Variants in SRPK1 observed in about 807,000 individuals in gnomAD.
The protein encoded by SRPK1 is SFRS protein kinase 1.
Under a neutral mutation model 89.5 loss-of-function variants are expected in SRPK1, and 52 were observed. The observed-to-expected ratio is 0.58, with a 90% CI of 0.46 to 0.73. The LOEUF is 0.73. Ranked by LOEUF, SRPK1 falls within the 30% of genes least tolerant of loss-of-function variation. The pLI is 0.00. For synonymous variants in SRPK1, 255 were observed against 270.2 expected (o/e 0.94, Z 0.55); for missense variants, 603 against 780.6 (o/e 0.77, Z 2.71).
intron 12 of SRPK1, among the ~76,000 whole-genome samples, chr6:35,858,015 A>G (rs1207248485): frequency 1.3e-5 from 2 of 152,142 alleles, no homozygotes; most frequent in Non-Finnish European, 2.9e-5. Flanking sequence ...TGTCTTCCAC[A>G]CTTTCCTATC....
intron 2 of SRPK1, among the ~76,000 whole-genome samples, chr6:35,917,728 G>A (rs772827498): frequency 6.6e-6 from 1 of 152,112 alleles, no homozygotes; most frequent in Non-Finnish European, 1.5e-5. Flanking sequence ...GACACAACAC[G>A]ACTAAATTAC....
At chr6:35,890,064 C>T (rs571101238) in intron 3 of SRPK1, among the ~76,000 whole-genome samples, 2 of 151,846 alleles carry the variant, frequency 1.3e-5, no homozygotes, top group South Asian at 2.1e-4. Context: ...GCCGAGATCG[C>T]GCCAACTGCA....
At chr6:35,841,056 A>G (rs1200714067) in intron 14 of SRPK1, among the ~76,000 whole-genome samples, 1 of 152,044 alleles carries the variant, frequency 6.6e-6, no homozygotes, top group African/African-American at 2.4e-5. Flanking sequence ...AGTAAAGGGG[A>G]AAAAAATTAA....
intron 6 of SRPK1, among the ~76,000 whole-genome samples, chr6:35,877,184 T>C (rs370213225): frequency 6.6e-6 from 1 of 152,148 alleles, no homozygotes; most frequent in East Asian, 1.9e-4. Flanking sequence ...TAGGATATAT[T>C]TGGGAAGGTC....
intron 2 of SRPK1, among the ~76,000 whole-genome samples, chr6:35,901,443 C>A (rs997280601): frequency 6.6e-6 from 1 of 152,220 alleles, no homozygotes; most frequent in African/African-American, 2.4e-5. Context: ...GAAACAGATT[C>A]TCCCTCACAG....
intron 2 of SRPK1, among the ~76,000 whole-genome samples, chr6:35,913,964 T>G (rs1435155183): frequency 1.5e-5 from 2 of 137,560 alleles, no homozygotes; most frequent in Non-Finnish European, 3.1e-5. Context: ...CAAAGGATAC[T>G]TTCTCTTTTT....
At chr6:35,902,895 G>A (rs1561994167) in intron 2 of SRPK1, among the ~76,000 whole-genome samples, 1 of 152,176 alleles carries the variant, frequency 6.6e-6, no homozygotes, top group Non-Finnish European at 1.5e-5. Flanking sequence ...AAGCTCATAT[G>A]TAGGTAGAAA....
chr6:35,838,673 G>A (rs544413405), intron 14 of SRPK1: 1 of 1,506,760 alleles, frequency 6.6e-7, no homozygotes, highest in Non-Finnish European at 9.0e-7. Context: ...TCTGCTTCCT[G>A]AAGTATCCCT....
At chr6:35,877,086 G>A (rs914670929) in intron 6 of SRPK1, among the ~76,000 whole-genome samples, 6 of 152,184 alleles carry the variant, frequency 3.9e-5, no homozygotes. Context: ...AAGGATTATA[G>A]AGAACAATGC....
At chr6:35,840,580 AATTGTTACTTTACAC>A (rs1769286049) in intron 14 of SRPK1, among the ~76,000 whole-genome samples, 1 of 152,184 alleles carries the variant, frequency 6.6e-6, no homozygotes, top group South Asian at 2.1e-4. Context: ...ATTCCCTTGA[AATTGTTACTTTACAC>A]TTAATTCTTG....
chr6:35,874,360 G>C (rs1038046979), intron 6 of SRPK1, 21 bp from the exon 7 acceptor site: 7 of 1,549,974 alleles, frequency 4.5e-6, no homozygotes, highest in Non-Finnish European at 6.2e-6. Flanking sequence ...ATTAAGGAGG[G>C]AAAAAACGGC....
chr6:35,849,118 G>A (rs1769482648), intron 13 of SRPK1, among the ~76,000 whole-genome samples: 1 of 151,974 alleles, frequency 6.6e-6, no homozygotes, highest in South Asian at 2.1e-4. Context: ...AAAATAATAT[G>A]GAACTCAACT....
chr6:35,894,739 A>T (rs1294072189), intron 2 of SRPK1, among the ~76,000 whole-genome samples: 2 of 150,274 alleles, frequency 1.3e-5, no homozygotes, highest in Non-Finnish European at 3.0e-5. Flanking sequence ...AATTCTGAGG[A>T]TTTTTTTTTT....
At position 35,857,264 on chromosome 6, in the gene SRPK1, G is replaced by C; in HGVS notation, c.1617C>G (p.Cys539Trp). The C allele has an allele frequency of 2.5e-6, 4 of 1,609,028 alleles. No homozygotes were observed. The highest frequency in any genetic ancestry group is 3.4e-6 in the Non-Finnish European group (4 of 1,176,626). The change falls in exon 13 of 16, where the codon TGC becomes TGG. Residue 539 changes from cysteine (C) to tryptophan (W), a missense_variant. Cys to Trp is a radical substitution (Grantham distance 215, BLOSUM62 -2). Transcript: ENST00000373825. ...NTPADIWSTA[C>W]MAFELATGDY... Reference sequence around the variant, plus strand: ...AGCCAAGGGGAAAAAACATTACCATGCATGCCGTGCTCCAAATGTCAGCAG... The same window carrying C: ...AGCCAAGGGGAAAAAACATTACCATCCATGCCGTGCTCCAAATGTCAGCAG...
intron 6 of SRPK1, among the ~76,000 whole-genome samples, chr6:35,874,554 G>A (rs972836927): frequency 3.9e-5 from 6 of 152,224 alleles, no homozygotes; most frequent in East Asian, 1.9e-4. Context: ...AATTGTGGGC[G>A]GCTGGCTTCA....
At chr6:35,875,592 T>C (rs1457338391) in intron 6 of SRPK1, among the ~76,000 whole-genome samples, 2 of 152,040 alleles carry the variant, frequency 1.3e-5, no homozygotes, top group African/African-American at 2.4e-5. Context: ...TGAAAGTAAG[T>C]GTGGAGGCAG....
At position 35,870,266 on chromosome 6, in the gene SRPK1, A is replaced by C; in HGVS notation, c.991+15T>G. 6.2e-7 allele frequency: 1 copy of C among 1,604,842 alleles called. No individual in the cohort carries two copies. The highest frequency in any genetic ancestry group is 8.5e-7 in the Non-Finnish European group (1 of 1,174,992). On this transcript the variant is annotated intron_variant, in intron 10 of 15. Transcript: ENST00000373825. The stretch of plus-strand genomic sequence containing the variant: ...AGTGTGTTGTACAGTAATTTTCGTG[A>C]TGTTCTATTTATACCAAGTTTTTCT...
chr6:35,862,842 A>T (rs1033224794), intron 12 of SRPK1, among the ~76,000 whole-genome samples: 3 of 152,074 alleles, frequency 2.0e-5, no homozygotes, highest in South Asian at 2.1e-4. Flanking sequence ...AACAACAACA[A>T]CAACAAACCC....
At chr6:35,844,481 G>T (rs560028723) in intron 13 of SRPK1, among the ~76,000 whole-genome samples, 3 of 152,258 alleles carry the variant, frequency 2.0e-5, no homozygotes, top group African/African-American at 7.2e-5. Flanking sequence ...TTAGGTCCTG[G>T]TGGCTCACCA....
Sources: gnomAD v4.1 joint callset for allele counts (sites outside exome capture counted in the v4.1 genomes callset) on GRCh38, gnomAD v4.1.1 for gene constraint, MANE v1.5 for transcripts, NCBI Gene and HGNC (gene_info 2026-07-23, HGNC 2026-07-21) for gene names.